Variants in ALOXE3 observed in about 807,000 individuals in gnomAD.
The protein encoded by ALOXE3 is arachidonate epidermal lipoxygenase 3.
In ALOXE3, 78 loss-of-function variants were observed where a neutral mutation model predicts 87.5. The ratio of observed to expected loss-of-function variants is 0.89; its 90% CI spans 0.74 to 1.08. ALOXE3 has a LOEUF of 1.08. Ranked by LOEUF, ALOXE3 falls within the 50% of genes least tolerant of loss-of-function variation. ALOXE3 has a pLI of 0.00. For synonymous variants in ALOXE3, 363 were observed against 370.8 expected (o/e 0.98, Z 0.24); for missense variants, 946 against 912.4 (o/e 1.04, Z -0.47).
chr17:8,106,580 C>G (rs539016295), intron 13 of ALOXE3, among the ~76,000 whole-genome samples: 4 of 152,282 alleles, frequency 2.6e-5, no homozygotes, highest in East Asian at 1.9e-4. Flanking sequence ...TCTATAGGAA[C>G]TTTTCCGTAG....
upstream of ALOXE3, chr17:8,118,660 T>C (rs1389544984): frequency 3.3e-6 from 5 of 1,537,164 alleles, no homozygotes; most frequent in African/African-American, 1.4e-5. Context: ...CCCCCACGCA[T>C]GGCCCTCTTT....
At chr17:8,101,999 T>C (rs995008841) in intron 15 of ALOXE3, among the ~76,000 whole-genome samples, 1 of 152,180 alleles carries the variant, frequency 6.6e-6, no homozygotes, top group African/African-American at 2.4e-5. Flanking sequence ...AATATTCACC[T>C]GTTAGAGAGC....
Position 8,096,756 on chromosome 17 carries a change from C to T in ALOXE3, c.2007G>A (p.Arg669=), listed in dbSNP as rs1393650850. ...PDEHFTEEAP[R]RSIAAFQSRL... ...GGCTCTGGAAGGCGGCGATGCTCCG[C>T]CTCGGGGCCTCCTCTGTGAAGTGCT... Residue 669 remains arginine (R), a synonymous_variant, in exon 16 of 16, where the codon AGG becomes AGA. Transcript: ENST00000448843. The T allele has an allele frequency of 6.2e-7, 1 of 1,614,186 alleles. No individual in the cohort carries two copies. Among genetic ancestry groups the T allele is most frequent in the African/African-American group, 1.3e-5 (1 of 75,050 alleles).
chr17:8,099,784 TCTAGGCCAGA>T (rs1978809335), intron 15 of ALOXE3, among the ~76,000 whole-genome samples: 1 of 152,202 alleles, frequency 6.6e-6, no homozygotes, highest in East Asian at 1.9e-4. Flanking sequence ...ATTAGAATTG[TCTAGGCCAGA>T]TGCAGTGGCT....
rs957054463 is a variant in ALOXE3 at position 8,096,065 on chromosome 17, C to G, written c.*562G>C. ...CTGGGAACCTGTTCCTGAGAACAGC[C>G]GTTAGGGGTCCAGGCAAGCTGCCCT... On this transcript the variant is annotated 3_prime_UTR_variant, in exon 16 of 16. Transcript: ENST00000448843. 1 of 154,232 alleles carries G rather than the reference C, an allele frequency of 6.5e-6. No individual in the cohort carries two copies. The highest frequency in any genetic ancestry group is 2.0e-4 in the South Asian group (1 of 4,940). 9.6% of individuals were successfully genotyped at this position (154,232 alleles called of 1,614,324 possible). A position where few individuals can be genotyped will look rare whatever the true frequency, so the allele number is the denominator to read the frequency against.
In ALOXE3 at chr17:8,104,298, G is replaced by A. The variant is rs2151831876; in HGVS notation, c.1685-83C>T. The A allele has an allele frequency of 3.9e-6, 4 of 1,036,660 alleles. No individual in the cohort carries two copies. The South Asian group carries it at 5.2e-5, about 14-fold the overall frequency. 64.2% of individuals were successfully genotyped at this position (1,036,660 alleles called of 1,614,324 possible). A position where few individuals can be genotyped will look rare whatever the true frequency, so the allele number is the denominator to read the frequency against. On this transcript the variant is annotated intron_variant, in intron 13 of 15. Coordinates refer to ENST00000448843, the MANE Select transcript of ALOXE3 (RefSeq NM_021628.3). ...CAGCTCAGGACTGGGGCTCACCACA[G>A]GGGGAAAGTGAGGAAGTAGGGAACA...
In ALOXE3 at chr17:8,108,740, G is replaced by A. The variant is rs979773653; in HGVS notation, c.1563-151C>T. 5.0e-6 allele frequency: 6 copies of A among 1,212,002 alleles called. No individual in the cohort carries two copies. In the African/African-American group the frequency reaches 9.0e-5, roughly 18 times the overall value. The allele number at this position is 1,212,002 out of a possible 1,614,324, so 75.1% of individuals were successfully genotyped here. On this transcript the variant is annotated intron_variant, in intron 12 of 15. Transcript: ENST00000448843. ...AGGTGCAGCTGGAATCTGAGTGGCC[G>A]GGCTTCCCTTAAGTCCCACTCACTC...
chr17:8,108,734 G>T, intron 12 of ALOXE3, 145 bp from the exon 13 acceptor site: 1 of 1,258,642 alleles, frequency 7.9e-7, no homozygotes, highest in Non-Finnish European at 1.1e-6. Flanking sequence ...TGGAATCTGA[G>T]TGGCCGGGCT....
intron 15 of ALOXE3, 63 bp from the exon 16 acceptor site, chr17:8,096,869 C>T: frequency 6.4e-7 from 1 of 1,567,334 alleles, no homozygotes; most frequent in South Asian, 1.1e-5. Flanking sequence ...TAACGGAGGA[C>T]CACATGTAAC....
chr17:8,118,581 G>A, upstream of ALOXE3: 9 of 1,528,528 alleles, frequency 5.9e-6, no homozygotes, highest in African/African-American at 1.4e-5. Flanking sequence ...ACACGCAGGT[G>A]AGTCGCACAC....
chr17:8,109,818 C>T (rs1979865854), intron 11 of ALOXE3, 98 bp downstream of exon 11: 1 of 1,289,382 alleles, frequency 7.8e-7, no homozygotes, highest in Non-Finnish European at 1.1e-6. Flanking sequence ...CCCAGGTGTC[C>T]TCACAAGGGG....
Position 8,116,988 on chromosome 17 carries a change from G to A in ALOXE3, c.148-8C>T, listed in dbSNP as rs1257570621. ...CACCTTGTACTTCTGTACCTGAGGG[G>A]ACCAAGACAGCAAGCAGGTGAGAGG... On this transcript the variant is annotated splice_region_variant and splice_polypyrimidine_tract_variant and intron_variant, in intron 2 of 15. Transcript: ENST00000448843. 4 of 1,612,568 alleles carry A rather than the reference G, an allele frequency of 2.5e-6. No individual in the cohort carries two copies. The highest frequency in any genetic ancestry group is 3.4e-6 in the Non-Finnish European group (4 of 1,179,284).
intron 13 of ALOXE3, among the ~76,000 whole-genome samples, chr17:8,106,719 G>C (rs1395598548): frequency 1.3e-5 from 2 of 152,130 alleles, no homozygotes; most frequent in African/African-American, 4.8e-5. Context: ...CCAGCTACTC[G>C]GGAGGCTGAG....
In ALOXE3 at chr17:8,111,567, A is replaced by G. The variant is rs1382637739; in HGVS notation, c.785-36T>C. The G allele has an allele frequency of 3.1e-6, 5 of 1,610,702 alleles. No homozygotes were observed. In the African/African-American group the frequency reaches 5.3e-5, roughly 17 times the overall value. On this transcript the variant is annotated intron_variant, in intron 7 of 15. Transcript: ENST00000448843. ...AGAGAGGGGACCAGTTGGTCTAGAA[A>G]CTACTTCCCTAGATCCTAGTCCTGC...
chr17:8,109,255 C>T lies in ALOXE3; in HGVS notation c.1481G>A (p.Ser494Asn), dbSNP rs965775435. ...AGCCAGGACGCCGCGGGCCCGCAGG[C>T]TGTCCGGAAGGCAGAAATTGGTGTA... is the stretch of plus-strand genomic sequence containing the variant. The part of the protein sequence containing the change: ...FTYTNFCLPD[S>N]LRARGVLAIP... The change falls in exon 12 of 16, where the codon AGC (serine) becomes AAC (asparagine). Residue 494 changes from serine (S) to asparagine (N), a missense_variant. By Grantham distance (46) the Ser-to-Asn change is conservative (BLOSUM62 1). Coordinates refer to ENST00000448843, the MANE Select transcript of ALOXE3 (RefSeq NM_021628.3). 3.1e-6 allele frequency: 5 copies of T among 1,614,004 alleles called. No homozygotes were observed. The African/African-American group carries it at 5.3e-5, about 17-fold the overall frequency.
At chr17:8,103,644 G>T in intron 14 of ALOXE3, 151 bp from the exon 15 acceptor site, 2 of 905,328 alleles carry the variant, frequency 2.2e-6, no homozygotes. Flanking sequence ...GGAAATGAGG[G>T]GATCATGGAA....
At chr17:8,097,510 C>A (rs1015296190) in intron 15 of ALOXE3, among the ~76,000 whole-genome samples, 4 of 152,162 alleles carry the variant, frequency 2.6e-5, no homozygotes, top group Non-Finnish European at 4.4e-5. Context: ...CGTGATGGAA[C>A]TTTTGCCAAC....
intron 13 of ALOXE3, among the ~76,000 whole-genome samples, chr17:8,105,153 G>A (rs527995069): frequency 3.0e-4 from 46 of 152,216 alleles, no homozygotes; most frequent in African/African-American, 1.0e-3. Context: ...CCTTGTCATG[G>A]CCCTACTTGA....
chr17:8,103,751 G>A (rs187252055), intron 14 of ALOXE3, among the ~76,000 whole-genome samples: 2 of 152,140 alleles, frequency 1.3e-5, no homozygotes, highest in Admixed American at 6.5e-5. Context: ...TCCAGGACTC[G>A]GTGGGGTGAG....
Sources: gnomAD v4.1 joint callset for allele counts (sites outside exome capture counted in the v4.1 genomes callset) on GRCh38, gnomAD v4.1.1 for gene constraint, MANE v1.5 for transcripts, NCBI Gene and HGNC (gene_info 2026-07-23, HGNC 2026-07-21) for gene names.